The following DCC variants were observed in gnomAD, a reference collection of about 807,000 sequenced individuals.
The protein encoded by DCC is DCC netrin 1 receptor.
Under a neutral mutation model 172.5 loss-of-function variants are expected in DCC, and 58 were observed. The observed-to-expected ratio is 0.34, with a 90% confidence interval of 0.27 to 0.42. The LOEUF is 0.42. Ranked by LOEUF, DCC falls within the 10% of genes least tolerant of loss-of-function variation. DCC has a pLI of 1.00. For synonymous variants in DCC, 709 were observed against 644.5 expected (o/e 1.10, Z -1.52); for missense variants, 1,740 against 1,791.0 (o/e 0.97, Z 0.51).
chr18:53,462,682 A>G (rs2045574304), intron 24 of DCC, among the ~76,000 whole-genome samples: 1 of 152,090 alleles, frequency 6.6e-6, no homozygotes, highest in African/African-American at 2.4e-5. Flanking sequence ...CTTCCATGAA[A>G]CTGGTCCGTG....
At chr18:52,419,499 A>C (rs1987171692) in intron 1 of DCC, 2 of 152,200 alleles carry the variant, frequency 1.3e-5, no homozygotes, top group Non-Finnish European at 2.9e-5. Flanking sequence ...GGCTACAGTC[A>C]TGTGTTTGAG....
intron 15 of DCC, among the ~76,000 whole-genome samples, chr18:53,341,255 G>A (rs2057656143): frequency 6.6e-6 from 1 of 152,260 alleles, no homozygotes; most frequent in East Asian, 1.9e-4. Context: ...TGGCTCCCAG[G>A]CAATGAGAAT....
intron 1 of DCC, among the ~76,000 whole-genome samples, chr18:52,727,350 T>C (rs1421310243): frequency 6.6e-6 from 1 of 152,194 alleles, no homozygotes; most frequent in African/African-American, 2.4e-5. Flanking sequence ...TCTGGGCTAA[T>C]AAATTAGAAA....
intron 1 of DCC, among the ~76,000 whole-genome samples, chr18:52,642,002 T>C (rs1190672511): frequency 7.9e-6 from 1 of 126,994 alleles, no homozygotes; most frequent in Non-Finnish European, 1.6e-5. Context: ...AAAGAAACTG[T>C]GGTGTGTGTG....
chr18:52,889,218 A>G (rs1005508401), intron 2 of DCC, among the ~76,000 whole-genome samples: 1 of 152,116 alleles, frequency 6.6e-6, no homozygotes, highest in South Asian at 2.1e-4. Context: ...ATAAAAGGAA[A>G]TGATTGAATA....
chr18:53,058,870 A>T (rs2042453540), intron 5 of DCC, among the ~76,000 whole-genome samples: 1 of 152,152 alleles, frequency 6.6e-6, no homozygotes, highest in Non-Finnish European at 1.5e-5. Context: ...AAAAATCAGG[A>T]CATCCTTCTT....
intron 7 of DCC, among the ~76,000 whole-genome samples, chr18:53,153,474 C>G (rs985489693): frequency 6.6e-6 from 1 of 152,082 alleles, no homozygotes; most frequent in African/African-American, 2.4e-5. Context: ...AACTGAGAGC[C>G]TGTGAGAGCG....
chr18:53,184,660 A>C (rs2055252051), intron 9 of DCC, among the ~76,000 whole-genome samples: 1 of 152,144 alleles, frequency 6.6e-6, no homozygotes, highest in African/African-American at 2.4e-5. Context: ...TTGCATTAGA[A>C]TGATATGATA....
chr18:52,985,677 T>C (rs983861850), intron 5 of DCC, among the ~76,000 whole-genome samples: 24 of 152,144 alleles, frequency 1.6e-4, no homozygotes, highest in South Asian at 2.1e-4. Context: ...TCTTTTTTTT[T>C]CCCTTAAAAC....
chr18:52,828,259 A>G (rs1267734307), intron 2 of DCC, among the ~76,000 whole-genome samples: 1 of 152,118 alleles, frequency 6.6e-6, no homozygotes, highest in Non-Finnish European at 1.5e-5. Context: ...CAAATACAAG[A>G]TGTTATATTG....
intron 5 of DCC, among the ~76,000 whole-genome samples, chr18:53,000,562 T>C (rs1211078535): frequency 2.0e-5 from 3 of 149,792 alleles, no homozygotes; most frequent in African/African-American, 7.3e-5. Context: ...GGGGTCACCA[T>C]GTTTAGGATA....
At chr18:52,359,067 C>A (rs1325988677) in intron 1 of DCC, among the ~76,000 whole-genome samples, 1 of 152,174 alleles carries the variant, frequency 6.6e-6, no homozygotes, top group African/African-American at 2.4e-5. Context: ...AAGAGAAGGG[C>A]TGATCTGGGG....
rs1912062467 is a variant in DCC at position 53,438,051 on chromosome 18, A to G, written c.3229+2842A>G. Among the ~76,000 whole-genome samples, 3 of 152,244 alleles carry G rather than the reference A, an allele frequency of 2.0e-5. No individual in the cohort carries two copies. The South Asian group carries it at 6.2e-4, about 31-fold the overall frequency. ...ATTGTTGTATTTTATACCCTGAGAT[A>G]CAGAGCTTCTGACTTTGGAGTTCAT... On this transcript the variant is annotated intron_variant, in intron 22 of 28. Transcript: ENST00000442544.
chr18:53,405,361 C>T (rs1416220061), intron 19 of DCC, among the ~76,000 whole-genome samples: 4 of 152,010 alleles, frequency 2.6e-5, no homozygotes, highest in South Asian at 4.2e-4. Context: ...AAGGGAGACA[C>T]ATGAGGAAGT....
At chr18:52,796,142 T>C (rs62083275) in intron 2 of DCC, among the ~76,000 whole-genome samples, 3,806 of 151,776 alleles carry the variant, frequency 0.025, 67 homozygotes, top group Middle Eastern at 0.072. Flanking sequence ...TCGGTCTTTA[T>C]AGGTGGAGTT....
intron 1 of DCC, among the ~76,000 whole-genome samples, chr18:52,583,961 C>G (rs2033614712): frequency 6.6e-6 from 1 of 152,198 alleles, no homozygotes; most frequent in Non-Finnish European, 1.5e-5. Context: ...TCAAAGCCAC[C>G]TACTTTCGAA....
At chr18:52,814,181 T>C (rs2038248140) in intron 2 of DCC, among the ~76,000 whole-genome samples, 1 of 152,240 alleles carries the variant, frequency 6.6e-6, no homozygotes, top group Non-Finnish European at 1.5e-5. Context: ...GCAGGGATCC[T>C]GCCTGCCATA....
chr18:53,474,762 G>A (rs2045741361), intron 25 of DCC, among the ~76,000 whole-genome samples: 1 of 152,216 alleles, frequency 6.6e-6, no homozygotes, highest in African/African-American at 2.4e-5. Flanking sequence ...TTTGTTCTGG[G>A]AGTGGGGCAT....
chr18:53,528,710 A>C (rs2144627237), intron 28 of DCC, among the ~76,000 whole-genome samples: 1 of 152,294 alleles, frequency 6.6e-6, no homozygotes, highest in East Asian at 1.9e-4. Context: ...AGGTGAAGTT[A>C]ATACCTTTTA....
Sources: gnomAD v4.1 joint callset for allele counts (sites outside exome capture counted in the v4.1 genomes callset) on GRCh38, gnomAD v4.1.1 for gene constraint, MANE v1.5 for transcripts, NCBI Gene and HGNC (gene_info 2026-07-23, HGNC 2026-07-21) for gene names.